ZFYVE28: variants seen among roughly 807,000 people sequenced by gnomAD.
ZFYVE28 encodes the protein zinc finger FYVE-type containing 28, also known as lateral signaling target protein 2 homolog.
In ZFYVE28, 40 loss-of-function variants were observed where a neutral mutation model predicts 82.1. That is an observed-to-expected ratio of 0.49 (90% confidence interval 0.38 to 0.63). The LOEUF (loss-of-function observed/expected upper bound fraction) is 0.63. Among genes scored for constraint, ZFYVE28 ranks in the 30% least tolerant of loss-of-function variants. The pLI is 0.00. For synonymous variants in ZFYVE28, 612 were observed against 546.1 expected (o/e 1.12, Z -1.68); for missense variants, 1,321 against 1,242.1 (o/e 1.06, Z -0.96).
intron 8 of ZFYVE28, among the ~76,000 whole-genome samples, chr4:2,299,940 G>A (rs1715257734): frequency 6.6e-6 from 1 of 152,128 alleles, no homozygotes; most frequent in Middle Eastern, 3.4e-3. Context: ...GGGACTACAG[G>A]CCCACGCCAC....
At chr4:2,319,262 C>T (rs533013962) in intron 7 of ZFYVE28, among the ~76,000 whole-genome samples, 150 of 152,268 alleles carry the variant, frequency 9.9e-4, no homozygotes, top group Non-Finnish European at 1.3e-3. Flanking sequence ...GCTCACATCC[C>T]CCCAAGCAGG....
At chr4:2,415,451 TACAC>T (rs58420760) in intron 1 of ZFYVE28, among the ~76,000 whole-genome samples, 13 of 147,162 alleles carry the variant, frequency 8.8e-5, no homozygotes, top group Middle Eastern at 3.2e-3. Flanking sequence ...ACCCTGTCTC[TACAC>T]ACACACACAC....
chr4:2,306,376 T>C (rs1221770922), intron 7 of ZFYVE28, among the ~76,000 whole-genome samples: 1 of 152,222 alleles, frequency 6.6e-6, no homozygotes, highest in African/African-American at 2.4e-5. Context: ...ATAAGCTGAA[T>C]CCACCCATGT....
chr4:2,404,394 A>ACTC (rs1463450767), intron 1 of ZFYVE28, among the ~76,000 whole-genome samples: 7 of 152,206 alleles, frequency 4.6e-5, no homozygotes, highest in Non-Finnish European at 8.8e-5. Context: ...AATTACAAAG[A>ACTC]CTCGAACACA....
At chr4:2,275,700 C>T (rs59267071) in intron 8 of ZFYVE28, among the ~76,000 whole-genome samples, 15,407 of 152,200 alleles carry the variant, frequency 0.1, 1,506 homozygotes, top group African/African-American at 0.24. Flanking sequence ...CTGGTGGGAG[C>T]GTCAGCTGGT....
chr4:2,310,117 C>T (rs1382424607), intron 7 of ZFYVE28, among the ~76,000 whole-genome samples: 1 of 152,064 alleles, frequency 6.6e-6, no homozygotes, highest in Non-Finnish European at 1.5e-5. Flanking sequence ...CAGCTCACTG[C>T]AGCCTCTGCC....
In ZFYVE28 at chr4:2,418,141, G is replaced by A; in HGVS notation, c.39+144C>T. On this transcript the variant is annotated intron_variant, in intron 1 of 12. Coordinates refer to ENST00000290974, the MANE Select transcript of ZFYVE28 (RefSeq NM_020972.3). This position sits in a 1 kb window ranked among gnomAD's most constrained non-coding sequence, Gnocchi z 4.6. ...GCGATGAAGATCTGTCCAAGTCTTG[G>A]AGTGGAGGGAAGGATGTCGGCGGTG... 1.6e-6 allele frequency: 1 copy of A among 644,928 alleles called. No homozygotes were observed. Among genetic ancestry groups the A allele is most frequent in the Admixed American group, 3.9e-5 (1 of 25,744 alleles). 40.0% of individuals were successfully genotyped at this position (644,928 alleles called of 1,614,324 possible). A position where few individuals can be genotyped will look rare whatever the true frequency, so the allele number is the denominator to read the frequency against.
At chr4:2,290,611 C>G (rs1451104267) in intron 8 of ZFYVE28, among the ~76,000 whole-genome samples, 4 of 152,216 alleles carry the variant, frequency 2.6e-5, no homozygotes, top group Admixed American at 2.6e-4. Flanking sequence ...CCCCCTGGCC[C>G]CAGAGCAGCT....
chr4:2,402,920 C>A (rs1731353018), intron 1 of ZFYVE28, among the ~76,000 whole-genome samples: 1 of 152,216 alleles, frequency 6.6e-6, no homozygotes, highest in Non-Finnish European at 1.5e-5. Context: ...TCAGCTAACA[C>A]CAGCATGGTC....
chr4:2,368,221 A>AAAAAAC (rs1553856566), intron 1 of ZFYVE28, among the ~76,000 whole-genome samples: 2 of 148,836 alleles, frequency 1.3e-5, no homozygotes, highest in African/African-American at 4.9e-5. Context: ...CAAAAAAAAA[A>AAAAAAC]AAAAAAAAAC....
chr4:2,292,947 T>C (rs996061320), intron 8 of ZFYVE28, among the ~76,000 whole-genome samples: 7 of 152,228 alleles, frequency 4.6e-5, no homozygotes, highest in Admixed American at 1.3e-4. Flanking sequence ...CTCATGACCA[T>C]GTACAGTTTG....
In ZFYVE28 at chr4:2,370,813, A is replaced by G. The variant is rs114741044; in HGVS notation, c.40-16740T>C. 6.2e-3 allele frequency among the ~76,000 whole-genome samples: 939 copies of G among 152,238 alleles called. 11 individuals are homozygous for G. The highest frequency in any genetic ancestry group is 0.021 in the African/African-American group (888 of 41,546). ...CCCTCGCCGGCCACCCCTCCTGCCC[A>G]CACTGTGATGCTGGGCGCCTCTCTG... On this transcript the variant is annotated intron_variant, in intron 1 of 12. Coordinates refer to ENST00000290974, the MANE Select transcript of ZFYVE28 (RefSeq NM_020972.3).
At chr4:2,389,882 C>T (rs901556050) in intron 1 of ZFYVE28, among the ~76,000 whole-genome samples, 7 of 152,180 alleles carry the variant, frequency 4.6e-5, no homozygotes, top group African/African-American at 1.7e-4. Context: ...GCTGACACAG[C>T]GTCCCCTCAC....
At chr4:2,273,377 C>T (rs1317710891) in intron 9 of ZFYVE28, 88 bp from the exon 10 acceptor site, 22 of 1,128,798 alleles carry the variant, frequency 1.9e-5, no homozygotes, top group Non-Finnish European at 2.8e-5. Context: ...CAGACCCAGC[C>T]AGAGCTCACA....
At position 2,409,626 on chromosome 4, in the gene ZFYVE28, T is replaced by C. The variant is rs1158986813; in HGVS notation, c.39+8659A>G. On this transcript the variant is annotated intron_variant, in intron 1 of 12. Transcript: ENST00000290974. The surrounding 1 kb of genome is among the most constrained non-coding windows in gnomAD (Gnocchi z 4.4). The stretch of plus-strand genomic sequence containing the variant: ...GCAAGGCCCACATGGCCTGACAGCC[T>C]TGGAGATTCCCACTGAGCAGCCCAT... Among the ~76,000 whole-genome samples, 1 of 152,224 alleles carries C rather than the reference T, an allele frequency of 6.6e-6. No individual in the cohort carries two copies. The highest frequency in any genetic ancestry group is 2.4e-5 in the African/African-American group (1 of 41,454).
intron 1 of ZFYVE28, among the ~76,000 whole-genome samples, chr4:2,411,621 G>A (rs1197787040): frequency 2.6e-5 from 4 of 152,198 alleles, no homozygotes; most frequent in South Asian, 2.1e-4. Context: ...CTGGGGTCCC[G>A]CGGACAGGAG....
chr4:2,294,236 T>C (rs530291397), intron 8 of ZFYVE28, among the ~76,000 whole-genome samples: 1 of 152,342 alleles, frequency 6.6e-6, no homozygotes, highest in Admixed American at 6.5e-5. Flanking sequence ...AGTGTGGCAT[T>C]GGTGTCAATA....
At chr4:2,308,675 A>AAGAAAGAAAGAAAGAGAGAG (rs1200372952) in intron 7 of ZFYVE28, among the ~76,000 whole-genome samples, 13 of 93,144 alleles carry the variant, frequency 1.4e-4, no homozygotes, top group African/African-American at 5.0e-4. Context: ...GAAAGAAAGA[A>AAGAAAGAAAGAAAGAGAGAG]AGAGAAAGAA....
chr4:2,276,565 G>A (rs1184273792), intron 8 of ZFYVE28, among the ~76,000 whole-genome samples: 1 of 152,134 alleles, frequency 6.6e-6, no homozygotes, highest in Non-Finnish European at 1.5e-5. Context: ...TCAGGTGTCT[G>A]TTGGCAGAGG....
Sources: allele counts gnomAD v4.1 joint callset (sites outside exome capture counted in the v4.1 genomes callset), GRCh38; gene constraint gnomAD v4.1.1; non-coding constraint Gnocchi (gnomAD v3.1); transcripts MANE v1.5; gene names NCBI Gene and HGNC (gene_info 2026-07-23, HGNC 2026-07-21).